The following MDGA2 variants were observed in gnomAD, a reference collection of about 807,000 sequenced individuals.
MDGA2 encodes the protein MAM domain containing glycosylphosphatidylinositol anchor 2, also known as MAM domain-containing glycosylphosphatidylinositol anchor protein 2.
In MDGA2, 40 loss-of-function variants were observed where a neutral mutation model predicts 117.8. The observed-to-expected ratio is 0.34, with a 90% CI of 0.26 to 0.44. MDGA2 has a LOEUF of 0.44. MDGA2 is among the 20% of genes least tolerant of loss of function. The pLI, the probability that MDGA2 is intolerant of heterozygous loss-of-function variation, is 1.00. For synonymous variants in MDGA2, 452 were observed against 439.0 expected (o/e 1.03, Z -0.37); for missense variants, 1,123 against 1,250.6 (o/e 0.90, Z 1.54).
intron 8 of MDGA2, among the ~76,000 whole-genome samples, chr14:46,975,699 C>A (rs79359770): frequency 0.038 from 5,849 of 152,076 alleles, 191 homozygotes; most frequent in Admixed American, 0.09. Flanking sequence ...GAGGAGATAT[C>A]TTAGTACGTT....
intron 4 of MDGA2, among the ~76,000 whole-genome samples, chr14:47,138,296 T>G (rs1180780202): frequency 6.6e-6 from 1 of 152,064 alleles, no homozygotes; most frequent in Admixed American, 6.6e-5. Flanking sequence ...TAAAAAGGAA[T>G]TTTGAGTTGA....
At chr14:46,978,087 T>C (rs1309939673) in intron 8 of MDGA2, among the ~76,000 whole-genome samples, 1 of 151,942 alleles carries the variant, frequency 6.6e-6, no homozygotes, top group Non-Finnish European at 1.5e-5. Flanking sequence ...ATTCATTATG[T>C]TCTAGGTATA....
At chr14:46,992,290 A>G (rs1887121444) in intron 8 of MDGA2, among the ~76,000 whole-genome samples, 2 of 152,198 alleles carry the variant, frequency 1.3e-5, no homozygotes, top group African/African-American at 4.8e-5. Flanking sequence ...AAATGTCCAC[A>G]GTAAAATTAA....
At chr14:47,474,911 C>T (rs1187877382) in intron 1 of MDGA2, among the ~76,000 whole-genome samples, 1 of 152,112 alleles carries the variant, frequency 6.6e-6, no homozygotes, top group Non-Finnish European at 1.5e-5. Flanking sequence ...ACCATCAGTA[C>T]TTAGGCGTGG....
intron 1 of MDGA2, among the ~76,000 whole-genome samples, chr14:47,438,529 TC>T (rs1892941092): frequency 6.6e-6 from 1 of 152,128 alleles, no homozygotes; most frequent in Non-Finnish European, 1.5e-5. Context: ...TCTAAACAGC[TC>T]CCGTTTCTCA....
intron 7 of MDGA2, among the ~76,000 whole-genome samples, chr14:47,055,339 CTTGA>C (rs1481872365): frequency 1.3e-5 from 2 of 152,004 alleles, no homozygotes; most frequent in African/African-American, 4.8e-5. Flanking sequence ...TTTGGTCATT[CTTGA>C]TTGTGTGAAT....
At chr14:47,638,619 TC>T (rs1897365746) in intron 1 of MDGA2, among the ~76,000 whole-genome samples, 2 of 152,128 alleles carry the variant, frequency 1.3e-5, no homozygotes, top group Admixed American at 6.6e-5. Context: ...CACCCAGTAC[TC>T]AAAACTGTTA....
chr14:47,096,852 A>G lies in MDGA2; in HGVS notation c.1195+2T>C. On this transcript the variant is annotated splice_donor_variant, in intron 6 of 16. Coordinates refer to ENST00000399232, the MANE Select transcript of MDGA2 (RefSeq NM_001113498.3). LOFTEE classifies it high-confidence loss of function. ...GTTGTAACATTCTTTCAGCAAACTTACCTCTCACAATGATGTTGGTGGACT... is the reference window on the plus strand; with the variant it reads ...GTTGTAACATTCTTTCAGCAAACTTGCCTCTCACAATGATGTTGGTGGACT... 6.2e-7 allele frequency: 1 copy of G among 1,611,200 alleles called. No individual in the cohort carries two copies. Among genetic ancestry groups the G allele is most frequent in the Non-Finnish European group, 8.5e-7 (1 of 1,177,756 alleles).
intron 1 of MDGA2, among the ~76,000 whole-genome samples, chr14:47,305,605 C>A (rs905567099): frequency 3.9e-5 from 6 of 152,054 alleles, no homozygotes; most frequent in Non-Finnish European, 7.4e-5. Context: ...TGGCAACAAC[C>A]AGGGGCATTT....
At chr14:47,352,202 C>T (rs1280904134) in intron 1 of MDGA2, among the ~76,000 whole-genome samples, 2 of 152,170 alleles carry the variant, frequency 1.3e-5, no homozygotes, top group African/African-American at 2.4e-5. Context: ...TGCTGCAAGG[C>T]TTCACGGACA....
intron 1 of MDGA2, among the ~76,000 whole-genome samples, chr14:47,470,773 T>C (rs1893708315): frequency 6.6e-6 from 1 of 152,140 alleles, no homozygotes; most frequent in East Asian, 1.9e-4. Flanking sequence ...TTACCCACCA[T>C]TTCTGTCAAA....
intron 5 of MDGA2, among the ~76,000 whole-genome samples, chr14:47,129,338 G>A (rs911521162): frequency 1.3e-4 from 19 of 151,228 alleles, no homozygotes; most frequent in African/African-American, 1.9e-4. Context: ...GAGAATATGC[G>A]GTGTTTGGTT....
At chr14:47,122,086 TA>T (rs1266983870) in intron 5 of MDGA2, among the ~76,000 whole-genome samples, 3 of 152,002 alleles carry the variant, frequency 2.0e-5, no homozygotes, top group Non-Finnish European at 4.4e-5. Context: ...TGTGTTTTAT[TA>T]TTGTTGTTAT....
At chr14:47,580,481 C>T (rs151310962) in intron 1 of MDGA2, among the ~76,000 whole-genome samples, 2 of 152,076 alleles carry the variant, frequency 1.3e-5, no homozygotes, top group South Asian at 2.1e-4. Flanking sequence ...AATATCTAGA[C>T]CACAGCAATG....
intron 2 of MDGA2, among the ~76,000 whole-genome samples, chr14:47,259,186 T>C (rs915780795): frequency 6.6e-6 from 1 of 152,034 alleles, no homozygotes; most frequent in Non-Finnish European, 1.5e-5. Flanking sequence ...TATGTGGATT[T>C]TTTTCTCTTT....
intron 10 of MDGA2, among the ~76,000 whole-genome samples, chr14:46,889,306 T>A (rs1882788327): frequency 6.6e-6 from 1 of 152,098 alleles, no homozygotes; most frequent in African/African-American, 2.4e-5. Context: ...CATAGAAATA[T>A]TTTGCTTATC....
intron 1 of MDGA2, among the ~76,000 whole-genome samples, chr14:47,509,521 C>T (rs1053101513): frequency 1.3e-5 from 2 of 152,162 alleles, no homozygotes. Flanking sequence ...ATATGACGAC[C>T]TGGCACAGCC....
chr14:47,362,087 A>C (rs1250579186), intron 1 of MDGA2, among the ~76,000 whole-genome samples: 1 of 152,142 alleles, frequency 6.6e-6, no homozygotes, highest in Non-Finnish European at 1.5e-5. Context: ...TTGATTTAGG[A>C]GTCCTGAATC....
intron 7 of MDGA2, among the ~76,000 whole-genome samples, chr14:47,052,285 C>T (rs2138729874): frequency 6.6e-6 from 1 of 151,916 alleles, no homozygotes; most frequent in Non-Finnish European, 1.5e-5. Flanking sequence ...CTTTGATCTG[C>T]TCTTGCTTTC....
Sources: allele counts gnomAD v4.1 joint callset (sites outside exome capture counted in the v4.1 genomes callset), GRCh38; gene constraint gnomAD v4.1.1; transcripts MANE v1.5; gene names NCBI Gene and HGNC (gene_info 2026-07-23, HGNC 2026-07-21).